DRC10: variants seen among roughly 807,000 people sequenced by gnomAD.
DRC10 encodes IQ domain-containing protein D.
the DRC10 span, chr12:113,208,421 GT>G: frequency 8.2e-7 from 1 of 1,222,080 alleles, no homozygotes; most frequent in Non-Finnish European, 1.0e-6. Flanking sequence ...TTGTGAGGGT[GT>G]TAGGGCCACA....
chr12:113,218,138 T>C, the DRC10 span, among the ~76,000 whole-genome samples: 1 of 117,378 alleles, frequency 8.5e-6, no homozygotes, highest in Admixed American at 8.5e-5. Flanking sequence ...AACCCTGACC[T>C]TTTTTTTTTT....
the DRC10 span, among the ~76,000 whole-genome samples, chr12:113,220,246 A>T: frequency 6.6e-6 from 1 of 152,162 alleles, no homozygotes; most frequent in South Asian, 2.1e-4. Context: ...GTGGTGTAAT[A>T]AAAATTACCT....
the DRC10 span, among the ~76,000 whole-genome samples, chr12:113,211,111 T>C: frequency 6.6e-6 from 1 of 152,164 alleles, no homozygotes; most frequent in Admixed American, 6.6e-5. Context: ...AATGGTGTCT[T>C]GGCCTTCCCA....
the DRC10 span, chr12:113,207,856 T>G: frequency 4.3e-6 from 7 of 1,614,144 alleles, no homozygotes; most frequent in Non-Finnish European, 5.9e-6. Context: ...GCACCTGACG[T>G]TTTCAAGGAG....
the DRC10 span, among the ~76,000 whole-genome samples, chr12:113,212,577 C>T: frequency 3.3e-5 from 5 of 152,166 alleles, no homozygotes; most frequent in Non-Finnish European, 4.4e-5. Flanking sequence ...GGAAACGCAA[C>T]GTTACATGAA....
the DRC10 span, chr12:113,203,090 A>G: frequency 1.1e-5 from 5 of 447,342 alleles, no homozygotes; most frequent in Admixed American, 9.8e-5. Flanking sequence ...CAGTGGTGCG[A>G]TCTCAGCTCC....
At chr12:113,211,046 G>A in the DRC10 span, among the ~76,000 whole-genome samples, 1,691 of 152,190 alleles carry the variant, frequency 0.011, 65 homozygotes, top group East Asian at 0.15. Flanking sequence ...TGGAGGGGAG[G>A]ACAATGAGCT....
At chr12:113,200,357 C>A in the DRC10 span, 2 of 684,632 alleles carry the variant, frequency 2.9e-6, no homozygotes, top group Non-Finnish European at 5.4e-6. Flanking sequence ...TGTCCCCTGT[C>A]CCCAGGCCTG....
the DRC10 span, among the ~76,000 whole-genome samples, chr12:113,215,992 C>T: frequency 2.6e-5 from 4 of 152,160 alleles, no homozygotes; most frequent in Admixed American, 1.3e-4. Flanking sequence ...CTGTACGATC[C>T]AGTAATTGCA....
the DRC10 span, chr12:113,200,799 G>A: frequency 2.0e-6 from 3 of 1,531,298 alleles, no homozygotes; most frequent in African/African-American, 2.7e-5. Context: ...GGATCACAAA[G>A]TTCTCCTTTT....
the DRC10 span, chr12:113,200,449 G>T: frequency 1.2e-6 from 1 of 802,014 alleles, no homozygotes; most frequent in Non-Finnish European, 2.1e-6. Context: ...CCTCCACCAA[G>T]CCACTTCCTG....
chr12:113,195,477 TA>T, the DRC10 span: 1 of 1,445,594 alleles, frequency 6.9e-7, no homozygotes. Flanking sequence ...ATTTATTAAA[TA>T]AAAACATGAA....
At chr12:113,214,530 A>T in the DRC10 span, among the ~76,000 whole-genome samples, 2 of 149,014 alleles carry the variant, frequency 1.3e-5, no homozygotes, top group Non-Finnish European at 3.0e-5. Context: ...AAAAAAAAAG[A>T]GAAAAAAAGA....
chr12:113,200,208 A>T, the DRC10 span: 23 of 386,134 alleles, frequency 6.0e-5, no homozygotes, highest in Admixed American at 8.1e-4. Flanking sequence ...CCTGAGCTTT[A>T]CATGCTACTT....
chr12:113,220,498 C>T, the DRC10 span, among the ~76,000 whole-genome samples: 5 of 152,108 alleles, frequency 3.3e-5, no homozygotes, highest in African/African-American at 1.2e-4. Flanking sequence ...AAGTGATCTG[C>T]CCGCCTCGGC....
At chr12:113,214,665 C>T in the DRC10 span, among the ~76,000 whole-genome samples, 1 of 152,058 alleles carries the variant, frequency 6.6e-6, no homozygotes, top group Non-Finnish European at 1.5e-5. Context: ...TATATATGTC[C>T]TGAATTGGAG....
At chr12:113,195,781 C>T in the DRC10 span, 2 of 1,614,034 alleles carry the variant, frequency 1.2e-6, no homozygotes, top group East Asian at 2.2e-5. Flanking sequence ...ATCTCCCGCT[C>T]TTCCCGGATC....
the DRC10 span, among the ~76,000 whole-genome samples, chr12:113,204,978 G>A: frequency 6.6e-6 from 1 of 151,760 alleles, no homozygotes. Flanking sequence ...CTTCCTCACT[G>A]CACTTGCCTG....
the DRC10 span, chr12:113,207,873 G>C: frequency 1.9e-6 from 3 of 1,614,006 alleles, no homozygotes; most frequent in South Asian, 2.2e-5. Context: ...GGAGGACCTG[G>C]CAGAGATCCT....
Sources: allele counts gnomAD v4.1 joint callset (sites outside exome capture counted in the v4.1 genomes callset), GRCh38; gene constraint gnomAD v4.1.1; transcripts MANE v1.5; gene names NCBI Gene and HGNC (gene_info 2026-07-23, HGNC 2026-07-21).